PPP1R12B: variants seen among roughly 807,000 people sequenced by gnomAD.
PPP1R12B encodes protein phosphatase 1 regulatory subunit 12B, also known as myosin phosphatase target subunit 2.
In PPP1R12B, 76 loss-of-function variants were observed where a neutral mutation model predicts 126.1. The ratio of observed to expected loss-of-function variants is 0.60; its 90% CI spans 0.50 to 0.73. The LOEUF (loss-of-function observed/expected upper bound fraction) is 0.73. PPP1R12B is among the 30% of genes least tolerant of loss of function. The pLI, the probability that PPP1R12B is intolerant of heterozygous loss-of-function variation, is 0.00. For missense variants in PPP1R12B, 1,052 were observed against 1,205.1 expected (o/e 0.87, Z 1.88); for synonymous variants, 356 against 434.7 (o/e 0.82, Z 2.25).
At chr1:202,398,877 G>A (rs1665397620) in intron 1 of PPP1R12B, among the ~76,000 whole-genome samples, 1 of 152,050 alleles carries the variant, frequency 6.6e-6, no homozygotes, top group Admixed American at 6.6e-5. Context: ...GCTCAAAAAA[G>A]GGCTTTCATT....
chr1:202,515,692 G>A (rs972976512), intron 18 of PPP1R12B, among the ~76,000 whole-genome samples: 1 of 152,120 alleles, frequency 6.6e-6, no homozygotes, highest in African/African-American at 2.4e-5. Flanking sequence ...TAGCTGAGAT[G>A]ATAGATGTGT....
intron 18 of PPP1R12B, among the ~76,000 whole-genome samples, chr1:202,527,673 A>T (rs1280706149): frequency 2.0e-5 from 3 of 152,188 alleles, no homozygotes; most frequent in Non-Finnish European, 4.4e-5. Flanking sequence ...AAATTTAATC[A>T]TACTTAACCA....
intron 13 of PPP1R12B, among the ~76,000 whole-genome samples, chr1:202,460,612 G>A (rs774421239): frequency 3.9e-5 from 6 of 151,946 alleles, no homozygotes; most frequent in Non-Finnish European, 8.8e-5. Context: ...AAAAGTCTGC[G>A]GCCATGCTGC....
intron 1 of PPP1R12B, among the ~76,000 whole-genome samples, chr1:202,400,065 C>T (rs1480206111): frequency 1.3e-5 from 2 of 151,872 alleles, no homozygotes; most frequent in African/African-American, 4.8e-5. Context: ...TCTTTATGTC[C>T]ATGAATACCC....
At chr1:202,502,027 G>A in intron 18 of PPP1R12B, 1 of 984,812 alleles carries the variant, frequency 1.0e-6, no homozygotes, top group Non-Finnish European at 1.2e-6. Context: ...TGTATGTCAG[G>A]AAGTAAGACT....
intron 1 of PPP1R12B, among the ~76,000 whole-genome samples, chr1:202,382,822 G>T (rs556364717): frequency 6.6e-6 from 1 of 151,338 alleles, no homozygotes; most frequent in East Asian, 1.9e-4. Flanking sequence ...GTTACAGTGA[G>T]CCAAGACTGT....
At chr1:202,496,606 G>A (rs190995965) in intron 17 of PPP1R12B, among the ~76,000 whole-genome samples, 175 bp from the exon 18 acceptor site, 42 of 152,276 alleles carry the variant, frequency 2.8e-4, no homozygotes, top group Non-Finnish European at 4.7e-4. Context: ...ACATTTCTAA[G>A]TTGCCTGCCT....
rs1369936154 is a variant in PPP1R12B at position 202,511,256 on chromosome 1, G to A, written c.2490+14434G>A. ...TTTTGAGACAGAGTCTCCTTCTGTCGCCCAGGCTGGAGTGCAGTGGCGCAA... is the reference window on the plus strand; with the variant it reads ...TTTTGAGACAGAGTCTCCTTCTGTCACCCAGGCTGGAGTGCAGTGGCGCAA... On this transcript the variant is annotated intron_variant, in intron 18 of 23. Coordinates refer to ENST00000608999, the MANE Select transcript of PPP1R12B (RefSeq NM_002481.4). Among the ~76,000 whole-genome samples, 27 of 150,158 alleles carry A rather than the reference G, an allele frequency of 1.8e-4. 1 individual carries two copies. The highest frequency in any genetic ancestry group is 1.6e-3 in the Admixed American group (24 of 15,012).
chr1:202,482,410 T>C lies in PPP1R12B; in HGVS notation c.1851-6123T>C, dbSNP rs187183463. On this transcript the variant is annotated intron_variant, in intron 13 of 23. Transcript: ENST00000608999. ...CCCTGCCAAAACTGGTTTTCTTTTGTCTTTTTGATAATGGTCATTCTAAGT... is the reference window on the plus strand; with the variant it reads ...CCCTGCCAAAACTGGTTTTCTTTTGCCTTTTTGATAATGGTCATTCTAAGT... Among the ~76,000 whole-genome samples the C allele has an allele frequency of 1.9e-3, 284 of 152,328 alleles. 2 individuals are homozygous for C. The highest frequency in any genetic ancestry group is 6.6e-3 in the African/African-American group (276 of 41,572).
chr1:202,540,825 C>T (rs1202150191), intron 18 of PPP1R12B, among the ~76,000 whole-genome samples: 1 of 152,172 alleles, frequency 6.6e-6, no homozygotes, highest in African/African-American at 2.4e-5. Flanking sequence ...CCTTAATCAC[C>T]AAGTACCTTC....
chr1:202,407,453 G>A (rs1666785676), intron 1 of PPP1R12B, among the ~76,000 whole-genome samples: 1 of 152,164 alleles, frequency 6.6e-6, no homozygotes, highest in Non-Finnish European at 1.5e-5. Flanking sequence ...TCTCTCGGCT[G>A]TCTCTCTTGA....
At chr1:202,468,701 C>A (rs1298951937) in intron 13 of PPP1R12B, among the ~76,000 whole-genome samples, 4 of 152,170 alleles carry the variant, frequency 2.6e-5, no homozygotes, top group Non-Finnish European at 5.9e-5. Flanking sequence ...TGCCTGTAAT[C>A]CCAGCACTTT....
At chr1:202,452,039 G>A (rs1351825303) in intron 13 of PPP1R12B, among the ~76,000 whole-genome samples, 21 of 151,902 alleles carry the variant, frequency 1.4e-4, no homozygotes, top group Non-Finnish European at 1.8e-4. Flanking sequence ...GGTCGCGGCC[G>A]GGCAGAGGCG....
At chr1:202,544,947 C>T (rs538185301) in intron 18 of PPP1R12B, among the ~76,000 whole-genome samples, 109 of 152,344 alleles carry the variant, frequency 7.2e-4, no homozygotes, top group African/African-American at 2.6e-3. Context: ...CTTTGCCTTC[C>T]AGACTGTCAG....
At chr1:202,456,672 A>G (rs2148742407) in intron 13 of PPP1R12B, among the ~76,000 whole-genome samples, 1 of 152,346 alleles carries the variant, frequency 6.6e-6, no homozygotes, top group South Asian at 2.1e-4. Context: ...GCAAGGAAGG[A>G]AATCTATACA....
chr1:202,448,274 G>T (rs865798483), intron 12 of PPP1R12B: 1 of 152,270 alleles, frequency 6.6e-6, no homozygotes, highest in Non-Finnish European at 1.5e-5. Context: ...AAGAAACAAA[G>T]GTCTTGTTTT....
At chr1:202,577,717 C>T (rs575501996) in intron 23 of PPP1R12B, among the ~76,000 whole-genome samples, 1 of 152,282 alleles carries the variant, frequency 6.6e-6, no homozygotes, top group African/African-American at 2.4e-5. Flanking sequence ...CATCCTGAGT[C>T]CCTCTCAACC....
In PPP1R12B at chr1:202,589,989, A is replaced by G. The variant is rs1027153813; in HGVS notation, c.*9429A>G. ...GGAGACAGGTGGAAGTGGGAACCGA[A>G]GAAGGAGTTTTACTCTTCCCTGGTC... On this transcript the variant is annotated 3_prime_UTR_variant, in exon 24 of 24. Transcript: ENST00000608999. 6.6e-6 allele frequency: 1 copy of G among 152,174 alleles called. No individual in the cohort carries two copies. Among genetic ancestry groups the G allele is most frequent in the Non-Finnish European group, 1.5e-5 (1 of 68,028 alleles). 9.4% of individuals were successfully genotyped at this position (152,174 alleles called of 1,614,324 possible).
At chr1:202,571,730 A>G (rs998905417) in intron 23 of PPP1R12B, among the ~76,000 whole-genome samples, 4 of 152,198 alleles carry the variant, frequency 2.6e-5, no homozygotes, top group Admixed American at 6.5e-5. Flanking sequence ...TGCTGTGATT[A>G]CAGGTGTGAG....
Sources: allele counts gnomAD v4.1 joint callset (sites outside exome capture counted in the v4.1 genomes callset), GRCh38; gene constraint gnomAD v4.1.1; transcripts MANE v1.5; gene names NCBI Gene and HGNC (gene_info 2026-07-23, HGNC 2026-07-21).